The following ENTREP2 variants were observed in gnomAD, a reference collection of about 807,000 sequenced individuals.
ENTREP2 encodes protein ENTREP2.
At chr15:29,439,741 G>A in the ENTREP2 span, among the ~76,000 whole-genome samples, 1 of 152,212 alleles carries the variant, frequency 6.6e-6, no homozygotes, top group South Asian at 2.1e-4. Flanking sequence ...TCTTTGACAC[G>A]CTCTCCCCCA....
At chr15:29,345,454 G>T in the ENTREP2 span, among the ~76,000 whole-genome samples, 1 of 152,016 alleles carries the variant, frequency 6.6e-6, no homozygotes, top group Non-Finnish European at 1.5e-5. Flanking sequence ...TCCGCTCCCC[G>T]CCAAGGCTGT....
At chr15:29,448,642 A>C in the ENTREP2 span, among the ~76,000 whole-genome samples, 1 of 152,214 alleles carries the variant, frequency 6.6e-6, no homozygotes, top group Non-Finnish European at 1.5e-5. Context: ...AATCGAGACG[A>C]ACCAATAATG....
the ENTREP2 span, among the ~76,000 whole-genome samples, chr15:29,371,911 A>ATAGATAG: frequency 7.4e-5 from 11 of 149,498 alleles, no homozygotes; most frequent in Admixed American, 2.0e-4. Context: ...AAAATAAATA[A>ATAGATAG]ATAGATAGAT....
the ENTREP2 span, among the ~76,000 whole-genome samples, chr15:29,417,741 C>A: frequency 3.3e-5 from 5 of 152,158 alleles, no homozygotes; most frequent in African/African-American, 1.2e-4. Context: ...AAATATAATT[C>A]ATGGCTATTT....
chr15:29,366,149 C>T, the ENTREP2 span, among the ~76,000 whole-genome samples: 2 of 152,188 alleles, frequency 1.3e-5, no homozygotes, highest in African/African-American at 4.8e-5. Flanking sequence ...TCTTGATTCA[C>T]TGCAACCTCC....
chr15:29,669,588 G>C, the ENTREP2 span, among the ~76,000 whole-genome samples: 2 of 152,150 alleles, frequency 1.3e-5, no homozygotes, highest in African/African-American at 4.8e-5. Context: ...GAGTTCTTAA[G>C]GAATTCCCCA....
the ENTREP2 span, among the ~76,000 whole-genome samples, chr15:29,600,902 CT>C: frequency 1.2e-3 from 150 of 123,470 alleles, no homozygotes; most frequent in Middle Eastern, 4.7e-3. Flanking sequence ...ATTTTTCTTT[CT>C]TTTTTTTTTT....
the ENTREP2 span, chr15:29,610,346 C>T: frequency 6.6e-6 from 1 of 150,480 alleles, no homozygotes; most frequent in African/African-American, 2.4e-5. Flanking sequence ...GAGAGTCAGT[C>T]TACAACCTCC....
chr15:29,390,102 C>T, the ENTREP2 span, among the ~76,000 whole-genome samples: 22 of 152,216 alleles, frequency 1.4e-4, no homozygotes, highest in Admixed American at 3.3e-4. Context: ...CTCTGGCCCA[C>T]TGGAGACCAA....
the ENTREP2 span, among the ~76,000 whole-genome samples, chr15:29,657,156 T>G: frequency 1.3e-5 from 2 of 151,890 alleles, no homozygotes; most frequent in South Asian, 2.1e-4. Context: ...CCGGCCATTC[T>G]CCTGCCTCCT....
At chr15:29,231,077 G>A in the ENTREP2 span, among the ~76,000 whole-genome samples, 6 of 152,082 alleles carry the variant, frequency 3.9e-5, no homozygotes, top group African/African-American at 7.2e-5. Context: ...AGCCTGCAAC[G>A]TGAAGTTCCT....
the ENTREP2 span, among the ~76,000 whole-genome samples, chr15:29,657,013 C>T: frequency 0.041 from 6,304 of 152,250 alleles, 170 homozygotes; most frequent in Non-Finnish European, 0.064. Flanking sequence ...GTCTCGCTGC[C>T]TTCAAGAACG....
the ENTREP2 span, among the ~76,000 whole-genome samples, chr15:29,655,496 GAC>G: frequency 1.3e-5 from 2 of 151,912 alleles, no homozygotes; most frequent in Admixed American, 1.3e-4. Flanking sequence ...AAAATTACAA[GAC>G]ACACAAGAAA....
chr15:29,672,893 A>C, the ENTREP2 span, among the ~76,000 whole-genome samples: 3 of 152,148 alleles, frequency 2.0e-5, no homozygotes, highest in African/African-American at 7.2e-5. Flanking sequence ...ATTCAGGGCA[A>C]GTCCATCAAG....
At chr15:29,524,632 G>T in the ENTREP2 span, among the ~76,000 whole-genome samples, 1 of 152,236 alleles carries the variant, frequency 6.6e-6, no homozygotes, top group South Asian at 2.1e-4. Flanking sequence ...ACTCAGCCGT[G>T]CAGGAACAAT....
the ENTREP2 span, among the ~76,000 whole-genome samples, chr15:29,289,569 G>A: frequency 3.3e-5 from 5 of 152,124 alleles, no homozygotes; most frequent in Non-Finnish European, 7.3e-5. Context: ...TATGAGGCAC[G>A]GTGTGGTGGC....
the ENTREP2 span, among the ~76,000 whole-genome samples, chr15:29,554,481 T>C: frequency 6.6e-6 from 1 of 152,048 alleles, no homozygotes; most frequent in Non-Finnish European, 1.5e-5. Context: ...TTTAACAACA[T>C]AATGAATCAA....
the ENTREP2 span, among the ~76,000 whole-genome samples, chr15:29,299,966 T>C: frequency 2.7e-5 from 4 of 147,364 alleles, no homozygotes; most frequent in Admixed American, 6.7e-5. Context: ...GGTGGGTGGA[T>C]GAATGGATGG....
At chr15:29,232,753 C>T in the ENTREP2 span, among the ~76,000 whole-genome samples, 1 of 152,202 alleles carries the variant, frequency 6.6e-6, no homozygotes, top group Non-Finnish European at 1.5e-5. Context: ...AAGCGATCCT[C>T]CTGCCCCAGC....
Sources: gnomAD v4.1 joint callset for allele counts (sites outside exome capture counted in the v4.1 genomes callset) on GRCh38, gnomAD v4.1.1 for gene constraint, MANE v1.5 for transcripts, NCBI Gene and HGNC (gene_info 2026-07-23, HGNC 2026-07-21) for gene names.